The following RYR2 variants were observed in gnomAD, a reference collection of about 807,000 sequenced individuals.
RYR2 encodes cardiac muscle ryanodine receptor-calcium release channel.
Under a neutral mutation model 601.1 loss-of-function variants are expected in RYR2, and 227 were observed. The observed-to-expected ratio is 0.38, with a 90% CI of 0.34 to 0.42. The LOEUF (loss-of-function observed/expected upper bound fraction) is 0.42. Among genes scored for constraint, RYR2 ranks in the 10% least tolerant of loss-of-function variants. The pLI is 1.00. For missense variants in RYR2, 4,646 were observed against 6,156.5 expected, an observed-to-expected ratio of 0.75 and a Z score of 8.21; for synonymous variants, 2,223 against 2,175.1, an observed-to-expected ratio of 1.02 and a Z score of -0.61.
chr1:237,550,797 C>T, intron 27 of RYR2, 106 bp downstream of exon 27: 1 of 1,227,432 alleles, frequency 8.1e-7, no homozygotes, highest in South Asian at 1.9e-5. Flanking sequence ...GTCCTCTAGT[C>T]TAGGTGTGGA....
intron 3 of RYR2, among the ~76,000 whole-genome samples, chr1:237,347,195 C>T (rs949344385): frequency 6.6e-6 from 1 of 151,964 alleles, no homozygotes; most frequent in Non-Finnish European, 1.5e-5. Context: ...TGGTGGTGCG[C>T]ACCTGTAGTC....
At chr1:237,264,106 C>CACACACACAG (rs1295028648) in intron 1 of RYR2, among the ~76,000 whole-genome samples, 1 of 151,824 alleles carries the variant, frequency 6.6e-6, no homozygotes. Context: ...CACACACACA[C>CACACACACAG]ACACACACAC....
chr1:237,745,912 A>AT (rs34696824), intron 80 of RYR2, among the ~76,000 whole-genome samples: 2,013 of 145,452 alleles, frequency 0.014, 39 homozygotes, highest in African/African-American at 0.044. Flanking sequence ...TCCTAATGAG[A>AT]TTTTTTTTTT....
intron 29 of RYR2, among the ~76,000 whole-genome samples, chr1:237,580,992 A>G (rs1334659539): frequency 1.3e-5 from 2 of 152,190 alleles, no homozygotes; most frequent in Non-Finnish European, 1.5e-5. Flanking sequence ...ATCATTTCTT[A>G]TGGCAGTCTG....
At chr1:237,144,808 A>T (rs1159999996) in intron 1 of RYR2, among the ~76,000 whole-genome samples, 1 of 152,224 alleles carries the variant, frequency 6.6e-6, no homozygotes, top group African/African-American at 2.4e-5. Context: ...GATGTAACAT[A>T]TACTTAAGTT....
intron 100 of RYR2, among the ~76,000 whole-genome samples, chr1:237,811,970 CCA>C (rs1008271888): frequency 2.6e-5 from 4 of 152,242 alleles, no homozygotes; most frequent in African/African-American, 7.2e-5. Flanking sequence ...AGTTACAAAT[CCA>C]CAGTCTTGTA....
intron 1 of RYR2, among the ~76,000 whole-genome samples, chr1:237,148,553 T>TATATATATAC (rs71178397): frequency 0.038 from 3,930 of 102,696 alleles, 71 homozygotes; most frequent in Middle Eastern, 0.068. Context: ...TATATATATA[T>TATATATATAC]ACACACACAC....
At chr1:237,791,872 G>A in intron 93 of RYR2, 4 of 582,758 alleles carry the variant, frequency 6.9e-6, no homozygotes, top group South Asian at 6.6e-5. Context: ...TTTTTAGCAT[G>A]CATTGGAATC....
intron 100 of RYR2, among the ~76,000 whole-genome samples, chr1:237,817,415 T>G (rs532395209): frequency 6.6e-6 from 1 of 152,262 alleles, no homozygotes; most frequent in East Asian, 1.9e-4. Context: ...TCCTCATTCA[T>G]CCCACAAATG....
At chr1:237,066,590 G>T (rs1319541773) in intron 1 of RYR2, among the ~76,000 whole-genome samples, 1 of 150,916 alleles carries the variant, frequency 6.6e-6, no homozygotes, top group Admixed American at 6.6e-5. Flanking sequence ...TTTCCCTAAT[G>T]GTTAGTAATG....
intron 71 of RYR2, among the ~76,000 whole-genome samples, chr1:237,713,406 T>C (rs1400287157): frequency 5.3e-5 from 8 of 152,330 alleles, no homozygotes; most frequent in Admixed American, 1.3e-4. Flanking sequence ...TTGTTTGTTT[T>C]GTTTTTTTGA....
chr1:237,173,883 C>T (rs573851429), intron 1 of RYR2, among the ~76,000 whole-genome samples: 1 of 152,128 alleles, frequency 6.6e-6, no homozygotes, highest in South Asian at 2.1e-4. Flanking sequence ...GGTGAAGCCC[C>T]GTCTCTACTA....
intron 2 of RYR2, among the ~76,000 whole-genome samples, chr1:237,284,497 T>TTTATATAAA (rs1691267189): frequency 2.1e-5 from 1 of 46,668 alleles, no homozygotes; most frequent in African/African-American, 2.6e-4. Flanking sequence ...ATATATAAAA[T>TTTATATAAA]ATATATAAAA....
intron 1 of RYR2, among the ~76,000 whole-genome samples, chr1:237,156,468 G>T (rs1238996098): frequency 6.6e-6 from 1 of 152,094 alleles, no homozygotes; most frequent in East Asian, 1.9e-4. Flanking sequence ...GCTTAATTTT[G>T]CTTGATTCAA....
intron 1 of RYR2, among the ~76,000 whole-genome samples, chr1:237,190,629 ACTGC>A: frequency 6.6e-6 from 1 of 152,384 alleles, no homozygotes; most frequent in South Asian, 2.1e-4. Context: ...AATAAAAAAT[ACTGC>A]CTAACAACTA....
chr1:237,570,524 A>T (rs899185766), intron 29 of RYR2, among the ~76,000 whole-genome samples: 4 of 151,808 alleles, frequency 2.6e-5, no homozygotes, highest in African/African-American at 7.3e-5. Context: ...TTTTTAGTAG[A>T]GACGGGGTTT....
chr1:237,622,967 A>G (rs1176993597), intron 38 of RYR2, among the ~76,000 whole-genome samples: 2 of 152,208 alleles, frequency 1.3e-5, no homozygotes, highest in Non-Finnish European at 2.9e-5. Context: ...GGGATACTCA[A>G]ACCTGTGTTA....
intron 1 of RYR2, among the ~76,000 whole-genome samples, chr1:237,195,000 T>A (rs949333408): frequency 3.3e-5 from 5 of 152,196 alleles, no homozygotes; most frequent in African/African-American, 7.2e-5. Flanking sequence ...TATTAGGGCA[T>A]CACTAAATGT....
chr1:237,110,879 T>A (rs192680375), intron 1 of RYR2, among the ~76,000 whole-genome samples: 1 of 152,344 alleles, frequency 6.6e-6, no homozygotes, highest in East Asian at 1.9e-4. Flanking sequence ...TGCAAGGTGC[T>A]TGTATTTGTT....
Sources: gnomAD v4.1 joint callset for allele counts (sites outside exome capture counted in the v4.1 genomes callset) on GRCh38, gnomAD v4.1.1 for gene constraint, MANE v1.5 for transcripts, NCBI Gene and HGNC (gene_info 2026-07-23, HGNC 2026-07-21) for gene names.